MYLK: variants seen among roughly 807,000 people sequenced by gnomAD.
The protein encoded by MYLK is myosin light chain kinase, smooth muscle.
A neutral mutation model predicts 203.4 loss-of-function variants in MYLK; 106 were observed. The ratio of observed to expected loss-of-function variants is 0.52; its 90% CI spans 0.45 to 0.61. The LOEUF (loss-of-function observed/expected upper bound fraction) is 0.61, where lower values mean the gene tolerates loss of function less well. Ranked by LOEUF, MYLK falls within the 20% of genes least tolerant of loss-of-function variation. The pLI is 0.00. For synonymous variants in MYLK, 867 were observed against 959.5 expected, an observed-to-expected ratio of 0.90 and a Z score of 1.78; for missense variants, 2,072 against 2,442.3, an observed-to-expected ratio of 0.85 and a Z score of 3.20.
intron 5 of MYLK, among the ~76,000 whole-genome samples, chr3:123,740,507 C>T (rs912996393): frequency 2.6e-5 from 4 of 152,250 alleles, no homozygotes; most frequent in African/African-American, 7.2e-5. Flanking sequence ...CTCCATTCTT[C>T]CACTTAAGGC....
intron 4 of MYLK, among the ~76,000 whole-genome samples, chr3:123,769,942 A>AGGCT (rs2063821486): frequency 6.6e-6 from 1 of 152,166 alleles, no homozygotes; most frequent in Non-Finnish European, 1.5e-5. Context: ...ATGGACTGCA[A>AGGCT]GGCTGCTCAC....
At chr3:123,692,937 C>T in intron 18 of MYLK, 86 bp from the exon 19 acceptor site, 1 of 1,162,850 alleles carries the variant, frequency 8.6e-7, no homozygotes, top group Non-Finnish European at 1.3e-6. Context: ...GTGTTACTCG[C>T]ACGGGCAGCC....
Position 123,614,353 on chromosome 3 carries a change from C to A in MYLK, c.5501-4G>T, listed in dbSNP as rs771477211. On this transcript the variant is annotated splice_region_variant and splice_polypyrimidine_tract_variant and intron_variant, in intron 33 of 33. Coordinates refer to ENST00000360304, the MANE Select transcript of MYLK (RefSeq NM_053025.4). ...ACAACCTCGGGGTCTGGGTATCCTG[C>A]ATCACAGGGAGAGAACACAAGTTGC... 11 of 1,614,016 alleles carry A rather than the reference C, an allele frequency of 6.8e-6. No homozygotes were observed. The South Asian group carries it at 1.1e-4, about 16-fold the overall frequency.
intron 4 of MYLK, among the ~76,000 whole-genome samples, chr3:123,769,036 C>T (rs2063791883): frequency 1.3e-5 from 2 of 152,200 alleles, no homozygotes; most frequent in South Asian, 2.1e-4. Flanking sequence ...ATTTTAAAAA[C>T]GAGTGCATGT....
At chr3:123,664,395 T>G in intron 22 of MYLK, 137 bp from the exon 23 acceptor site, 3 of 1,108,486 alleles carry the variant, frequency 2.7e-6, no homozygotes, top group East Asian at 3.3e-5. Flanking sequence ...GTCTGGACTC[T>G]GCCCTTCTCC....
At chr3:123,796,733 T>A (rs569576047) in intron 3 of MYLK, among the ~76,000 whole-genome samples, 1 of 152,290 alleles carries the variant, frequency 6.6e-6, no homozygotes, top group African/African-American at 2.4e-5. Context: ...ACCAAAACAT[T>A]TCATTTAAAT....
intron 23 of MYLK, among the ~76,000 whole-genome samples, chr3:123,661,031 G>A (rs1028890934): frequency 6.6e-6 from 1 of 152,154 alleles, no homozygotes; most frequent in African/African-American, 2.4e-5. Flanking sequence ...GAAAGCCTCG[G>A]TTCTCCTCCA....
chr3:123,701,097 G>A (rs2061192037), intron 17 of MYLK, 92 bp from the exon 18 acceptor site: 7 of 1,515,400 alleles, frequency 4.6e-6, no homozygotes, highest in Admixed American at 1.9e-5. Context: ...CCTGAGGGTG[G>A]GAGGGTAGAG....
rs28497577 is a variant in MYLK, at chr3:123,793,780, G to T, written c.62C>A (p.Pro21His). 175,942 of 1,613,450 alleles carry T rather than the reference G, an allele frequency of 0.11. 13,562 individuals carry two copies. Among genetic ancestry groups the T allele is most frequent in the African/African-American group, 0.38 (28,521 of 74,802 alleles). Residue 21 changes from proline to histidine, a missense_variant, in exon 4 of 34, where the codon CCC (proline) becomes CAC (histidine). By Grantham distance (77) the Pro-to-His change is moderately conservative (BLOSUM62 -2). Coordinates refer to ENST00000360304, the MANE Select transcript of MYLK (RefSeq NM_053025.4). ...CAGGGGCATGGAGTCAACTCTTGAG[G>T]GATCCACACTGAGGGAGGTTTTGGA... ...HISKTSLSVD[P>H]SRVDSMPLTE...
At position 123,700,813 on chromosome 3, in the gene MYLK, C is replaced by G. The variant is rs551547284; in HGVS notation, c.2655G>C (p.Glu885Asp). ...RRVETRQHTE[E>D]AIRQQEVEQL... is the part of the protein sequence containing the mutation. ...GCTCCACCTCCTGCTGGCGGATCGC[C>G]TCCTCAGTGTGCTGCCTCGTCTCCA... The change falls in exon 18 of 34, where the codon GAG becomes GAC. Residue 885 changes from glutamate (E) to aspartate (D), a missense_variant. Physicochemically the swap from Glu to Asp is conservative, Grantham distance 45. Coordinates refer to ENST00000360304, the MANE Select transcript of MYLK (RefSeq NM_053025.4). The G allele has an allele frequency of 6.2e-7, 1 of 1,614,214 alleles. No homozygotes were observed. Among genetic ancestry groups the G allele is most frequent in the South Asian group, 1.1e-5 (1 of 91,090 alleles).
chr3:123,633,516 G>A (rs752546331), intron 29 of MYLK, among the ~76,000 whole-genome samples: 7 of 152,176 alleles, frequency 4.6e-5, no homozygotes, highest in South Asian at 2.1e-4. Flanking sequence ...GTCTTATCTA[G>A]TTTTTAACTA....
intron 11 of MYLK, among the ~76,000 whole-genome samples, chr3:123,730,444 T>C (rs2062436479): frequency 6.6e-6 from 1 of 152,220 alleles, no homozygotes; most frequent in African/African-American, 2.4e-5. Context: ...AAACAACTCA[T>C]ACATAAATGT....
At chr3:123,667,605 A>G (rs1306075159) in intron 20 of MYLK, among the ~76,000 whole-genome samples, 1 of 113,208 alleles carries the variant, frequency 8.8e-6, no homozygotes, top group Non-Finnish European at 1.9e-5. Context: ...CTCTGTCTCA[A>G]AAAAAAAAAA....
At position 123,657,404 on chromosome 3, in the gene MYLK, G is replaced by A. The variant is rs199973473; in HGVS notation, c.4010C>T (p.Thr1337Ile). 1 of 1,613,746 alleles carries A rather than the reference G, an allele frequency of 6.2e-7. No homozygotes were observed. The highest frequency in any genetic ancestry group is 8.5e-7 in the Non-Finnish European group (1 of 1,180,024). Residue 1337 changes from threonine (T) to isoleucine (I), a missense_variant, in exon 24 of 34, where the codon ACA (threonine) becomes ATA (isoleucine). Thr to Ile is a moderately conservative substitution (Grantham distance 89). Around this residue, in one of 3 missense-constraint regions of MYLK, gnomAD observed 524 missense variants for 782.4 expected, o/e 0.67. Coordinates refer to ENST00000360304, the MANE Select transcript of MYLK (RefSeq NM_053025.4). ...VVDKPDPPAG[T>I]PCASDIRSSS... ...GCTCCGAATGTCAGAGGCACAAGGT[G>A]TGCCAGCTGGGGGGTCTGGCTTATC...
chr3:123,749,074 A>AATACATACATACATAC (rs60797453), intron 5 of MYLK, among the ~76,000 whole-genome samples: 80 of 142,340 alleles, frequency 5.6e-4, no homozygotes, highest in African/African-American at 7.8e-4. Flanking sequence ...GTCTCAGAAA[A>AATACATACATACATAC]ATACATACAT....
At chr3:123,860,636 G>C (rs992008392) in intron 2 of MYLK, among the ~76,000 whole-genome samples, 2 of 152,160 alleles carry the variant, frequency 1.3e-5, no homozygotes, top group African/African-American at 4.8e-5. Flanking sequence ...TCTTGTGTCT[G>C]AGCCCAAGAT....
At chr3:123,653,442 C>T (rs1362517138) in intron 24 of MYLK, among the ~76,000 whole-genome samples, 1 of 152,224 alleles carries the variant, frequency 6.6e-6, no homozygotes, top group Admixed American at 6.5e-5. Flanking sequence ...TTCCTCCTCC[C>T]CCTTGGTAAT....
chr3:123,795,166 G>A (rs147251535), intron 3 of MYLK, among the ~76,000 whole-genome samples: 127 of 152,234 alleles, frequency 8.3e-4, no homozygotes, highest in African/African-American at 2.8e-3. Context: ...ATCTTACATG[G>A]TTGAAAGCAT....
chr3:123,798,746 C>T (rs753520330), intron 3 of MYLK, among the ~76,000 whole-genome samples: 76 of 152,152 alleles, frequency 5.0e-4, no homozygotes, highest in Middle Eastern at 3.4e-3. Flanking sequence ...AACTACCATG[C>T]GGACAGGACC....
Sources: gnomAD v4.1 joint callset for allele counts (sites outside exome capture counted in the v4.1 genomes callset) on GRCh38, gnomAD v4.1.1 for gene constraint, gnomAD v4.1.1 regional missense constraint, MANE v1.5 for transcripts, NCBI Gene and HGNC (gene_info 2026-07-23, HGNC 2026-07-21) for gene names.